Variants in MCC observed in about 807,000 individuals in gnomAD.
MCC encodes the protein colorectal mutant cancer protein.
A neutral mutation model predicts 116.2 loss-of-function variants in MCC; 90 were observed. The ratio of observed to expected loss-of-function variants is 0.77; its 90% CI spans 0.65 to 0.92. MCC has a LOEUF of 0.92. MCC is among the 40% of genes least tolerant of loss of function. MCC has a pLI of 0.00. For synonymous variants in MCC, 578 were observed against 510.5 expected (o/e 1.13, Z -1.78); for missense variants, 1,516 against 1,312.2 (o/e 1.16, Z -2.40).
rs1750330067 is a variant in MCC, at chr5:113,023,772, T to G, written c.*3530A>C. On this transcript the variant is annotated 3_prime_UTR_variant, in exon 19 of 19. Coordinates refer to ENST00000408903, the MANE Select transcript of MCC (RefSeq NM_001085377.2). ...TAGTCATCTTGATATGTTATCACTT[T>G]AAAGCTTGATAATCGAAACTCTTGA... The G allele has an allele frequency of 6.6e-6, 1 of 152,228 alleles. No individual in the cohort carries two copies. Among genetic ancestry groups the G allele is most frequent in the African/African-American group, 2.4e-5 (1 of 41,462 alleles). The allele number at this position is 152,228 out of a possible 1,614,324, so 9.4% of individuals were successfully genotyped here.
intron 8 of MCC, among the ~76,000 whole-genome samples, chr5:113,092,815 T>C (rs1755729768): frequency 6.6e-6 from 1 of 152,216 alleles, no homozygotes; most frequent in South Asian, 2.1e-4. Flanking sequence ...AAAGCAAGAC[T>C]ATACACACTC....
intron 17 of MCC, among the ~76,000 whole-genome samples, chr5:113,031,457 C>T (rs1384876863): frequency 6.6e-6 from 1 of 151,446 alleles, no homozygotes; most frequent in African/African-American, 2.4e-5. Context: ...CCTCCTCCAG[C>T]GGAGGGAAGC....
intron 2 of MCC, among the ~76,000 whole-genome samples, chr5:113,367,811 A>G (rs552616322): frequency 1.3e-5 from 2 of 152,268 alleles, no homozygotes; most frequent in East Asian, 1.9e-4. Flanking sequence ...CATTAGAGTT[A>G]TCTTGAGTAA....
chr5:113,246,160 A>T (rs1764567612), intron 3 of MCC, among the ~76,000 whole-genome samples: 1 of 152,220 alleles, frequency 6.6e-6, no homozygotes, highest in Non-Finnish European at 1.5e-5. Context: ...GCCTGTAGCC[A>T]GAATTTCAGG....
At chr5:113,238,230 T>C (rs1764224195) in intron 3 of MCC, among the ~76,000 whole-genome samples, 1 of 152,202 alleles carries the variant, frequency 6.6e-6, no homozygotes, top group Non-Finnish European at 1.5e-5. Context: ...GATGAGCTTC[T>C]GGCACTTTTC....
At chr5:113,439,148 T>C (rs1770953930) in intron 1 of MCC, among the ~76,000 whole-genome samples, 2 of 152,144 alleles carry the variant, frequency 1.3e-5, no homozygotes, top group African/African-American at 4.8e-5. Flanking sequence ...AATGTTTCCA[T>C]GGTTTAATTT....
chr5:113,036,012 C>CTTTTTTTTTTT (rs771378295), intron 17 of MCC, among the ~76,000 whole-genome samples: 3 of 62,942 alleles, frequency 4.8e-5, no homozygotes, highest in African/African-American at 2.0e-4. Flanking sequence ...GGATGAGGAA[C>CTTTTTTTTTTT]TTTTTTTTTT....
chr5:113,464,052 A>T (rs1771830443), intron 1 of MCC, among the ~76,000 whole-genome samples: 1 of 152,162 alleles, frequency 6.6e-6, no homozygotes, highest in East Asian at 1.9e-4. Context: ...AAGGTGATAC[A>T]GGCAAGGGGA....
At position 113,093,118 on chromosome 5, in the gene MCC, A is replaced by G. The variant is rs183615579; in HGVS notation, c.1399-7808T>C. Among the ~76,000 whole-genome samples the G allele has an allele frequency of 5.5e-3, 839 of 152,372 alleles. 7 individuals are homozygous for G. The highest frequency in any genetic ancestry group is 0.015 in the South Asian group (71 of 4,826). On this transcript the variant is annotated intron_variant, in intron 8 of 18. Transcript: ENST00000408903. ...CAGCAGAGTAACATTTAAATAAATT[A>G]AAAGTAATGCAAAACACTATCTTAG... is the stretch of plus-strand genomic sequence containing the variant.
At position 113,377,912 on chromosome 5, in the gene MCC, T is replaced by C. The variant is rs202173758; in HGVS notation, c.415+7056A>G. On this transcript the variant is annotated intron_variant, in intron 2 of 18. Coordinates refer to ENST00000408903, the MANE Select transcript of MCC (RefSeq NM_001085377.2). ...TAGAGTATGTAAAATAAAACAAAACTACAACAAAAATGAAAAAAAAACCCT... is the reference window on the plus strand; with the variant it reads ...TAGAGTATGTAAAATAAAACAAAACCACAACAAAAATGAAAAAAAAACCCT... Among the ~76,000 whole-genome samples, 27 of 151,972 alleles carry C rather than the reference T, an allele frequency of 1.8e-4. No homozygotes were observed. The East Asian group carries it at 3.7e-3, about 21-fold the overall frequency.
At chr5:113,151,557 TTA>T in intron 3 of MCC, 135 bp from the exon 4 acceptor site, 1 of 611,540 alleles carries the variant, frequency 1.6e-6, no homozygotes, top group Non-Finnish European at 2.9e-6. Context: ...AAGGTAAGTG[TTA>T]TGAGTTTTGG....
At chr5:113,370,537 A>C (rs1351651645) in intron 2 of MCC, among the ~76,000 whole-genome samples, 1 of 152,170 alleles carries the variant, frequency 6.6e-6, no homozygotes, top group East Asian at 1.9e-4. Context: ...TCTTTTTCTA[A>C]AAGCAAGAGA....
chr5:113,028,892 C>CA (rs1561729798), intron 18 of MCC, 42 bp downstream of exon 18: 1 of 1,602,228 alleles, frequency 6.2e-7, no homozygotes, highest in South Asian at 1.1e-5. Context: ...CCAAGTACCA[C>CA]AGGTGGAGGG....
At chr5:113,332,952 T>C (rs1767736943) in intron 3 of MCC, among the ~76,000 whole-genome samples, 1 of 151,582 alleles carries the variant, frequency 6.6e-6, no homozygotes, top group African/African-American at 2.4e-5. Flanking sequence ...TTCTTAAGAA[T>C]TTTCAAATCC....
rs149607661 is a variant in MCC, at chr5:113,133,507, G to A, written c.884+9711C>T. 1.1e-4 allele frequency among the ~76,000 whole-genome samples: 16 copies of A among 151,068 alleles called. No individual in the cohort carries two copies. In the East Asian group the frequency reaches 3.1e-3, roughly 29 times the overall value. ...TATAGCTGATAATATTCTATTGTGT[G>A]TATCTTCATCTATTCATCTGTTGAT... On this transcript the variant is annotated intron_variant, in intron 5 of 18. Coordinates refer to ENST00000408903, the MANE Select transcript of MCC (RefSeq NM_001085377.2).
At chr5:113,167,538 A>G (rs911776666) in intron 3 of MCC, among the ~76,000 whole-genome samples, 1 of 152,144 alleles carries the variant, frequency 6.6e-6, no homozygotes, top group African/African-American at 2.4e-5. Flanking sequence ...TTAAATTTTA[A>G]CTTCAACAGA....
chr5:113,193,473 A>C (rs920732997), intron 3 of MCC, among the ~76,000 whole-genome samples: 3 of 152,138 alleles, frequency 2.0e-5, no homozygotes, highest in Non-Finnish European at 4.4e-5. Context: ...CATTCTTTCC[A>C]TAAAAGTAAC....
At chr5:113,315,704 C>CAAAAAAA (rs35274366) in intron 3 of MCC, among the ~76,000 whole-genome samples, 2 of 64,466 alleles carry the variant, frequency 3.1e-5, no homozygotes, top group African/African-American at 5.3e-5. Context: ...CCCATCTCTA[C>CAAAAAAA]AAAAAAAAAA....
intron 3 of MCC, among the ~76,000 whole-genome samples, chr5:113,198,243 T>C (rs953985306): frequency 4.6e-5 from 7 of 152,226 alleles, no homozygotes; most frequent in African/African-American, 1.4e-4. Context: ...TCTGAGCTAC[T>C]TGATAGCAGG....
Sources: allele counts gnomAD v4.1 joint callset (sites outside exome capture counted in the v4.1 genomes callset), GRCh38; gene constraint gnomAD v4.1.1; transcripts MANE v1.5; gene names NCBI Gene and HGNC (gene_info 2026-07-23, HGNC 2026-07-21).